STK24: variants seen among roughly 807,000 people sequenced by gnomAD.
STK24 encodes the protein serine/threonine-protein kinase 24.
In STK24, 21 loss-of-function variants were observed where a neutral mutation model predicts 55.6. The ratio of observed to expected loss-of-function variants is 0.38; its 90% CI spans 0.27 to 0.54. The LOEUF (loss-of-function observed/expected upper bound fraction) is 0.54, where lower values mean the gene tolerates loss of function less well. Ranked by LOEUF, STK24 falls within the 20% of genes least tolerant of loss-of-function variation. The pLI is 0.79. For synonymous variants in STK24, 200 were observed against 215.2 expected (o/e 0.93, Z 0.62); for missense variants, 383 against 538.4 (o/e 0.71, Z 2.86).
rs398038978 is a variant in STK24 at position 98,503,024 on chromosome 13, G to GTTTTTTTTTTTTTTTTTTTT, written c.273+16218_273+16219insAAAAAAAAAAAAAAAAAAAA. Among the ~76,000 whole-genome samples the GTTTTTTTTTTTTTTTTTTTT allele has an allele frequency of 4.2e-4, 45 of 107,046 alleles. 6 individuals carry two copies. The highest frequency in any genetic ancestry group is 1.8e-3 in the African/African-American group (45 of 25,014). The allele number at this position is 107,046 out of a possible 152,430, so 70.2% of individuals were successfully genotyped here. A position where few individuals can be genotyped will look rare whatever the true frequency, so the allele number is the denominator to read the frequency against. On this transcript the variant is annotated intron_variant, in intron 2 of 10. Coordinates refer to ENST00000539966, the MANE Select transcript of STK24 (RefSeq NM_001032296.4). ...AATATATTAGAAATACTTTCCATGT[G>GTTTTTTTTTTTTTTTTTTTT]TTTTTTTTTTTTTTTTTCAGTATGG...
At chr13:98,526,899 G>C (rs941791165) in intron 1 of STK24, among the ~76,000 whole-genome samples, 2 of 152,184 alleles carry the variant, frequency 1.3e-5, no homozygotes, top group African/African-American at 4.8e-5. Flanking sequence ...CTGTCCACAG[G>C]CGCGTTTTCA....
intron 1 of STK24, among the ~76,000 whole-genome samples, chr13:98,524,497 C>T (rs551824294): frequency 6.6e-6 from 1 of 152,310 alleles, no homozygotes; most frequent in South Asian, 2.1e-4. Flanking sequence ...ACGCAGCCTT[C>T]CTCGCTGCCT....
At chr13:98,453,821 T>C (rs1345261601) in intron 10 of STK24, 1 of 152,260 alleles carries the variant, frequency 6.6e-6, no homozygotes, top group Admixed American at 6.5e-5. Context: ...TTTACATATA[T>C]ATATTAAAGC....
intron 1 of STK24, among the ~76,000 whole-genome samples, chr13:98,565,566 A>G (rs1897542349): frequency 6.8e-6 from 1 of 147,760 alleles, no homozygotes; most frequent in South Asian, 2.1e-4. Context: ...CGGGAGGCAG[A>G]GGTTGCAGTG....
intron 10 of STK24, chr13:98,454,353 A>G (rs1893350496): frequency 6.6e-6 from 1 of 152,230 alleles, no homozygotes; most frequent in South Asian, 2.1e-4. Flanking sequence ...ATTTTACAAC[A>G]GACTCCAAAT....
chr13:98,469,775 G>C (rs1473610640), intron 5 of STK24, among the ~76,000 whole-genome samples: 1 of 152,110 alleles, frequency 6.6e-6, no homozygotes, highest in Non-Finnish European at 1.5e-5. Flanking sequence ...CTCCCAAGTG[G>C]TCTTCCTGCC....
At chr13:98,526,933 C>G (rs1185279728) in intron 1 of STK24, among the ~76,000 whole-genome samples, 4 of 152,182 alleles carry the variant, frequency 2.6e-5, no homozygotes. Context: ...AGGTGGAAAT[C>G]GGCCTGCTGA....
At chr13:98,490,946 A>G (rs1165596977) in intron 2 of STK24, among the ~76,000 whole-genome samples, 1 of 152,124 alleles carries the variant, frequency 6.6e-6, no homozygotes, top group African/African-American at 2.4e-5. Context: ...GGAGAATGAG[A>G]AGTGTTCTCT....
intron 8 of STK24, among the ~76,000 whole-genome samples, chr13:98,461,273 C>A (rs1420559085): frequency 6.6e-6 from 1 of 152,152 alleles, no homozygotes; most frequent in African/African-American, 2.4e-5. Flanking sequence ...AAAGAAACTA[C>A]ACCACTATGC....
chr13:98,462,400 C>T (rs377384722), intron 7 of STK24, among the ~76,000 whole-genome samples: 28 of 152,226 alleles, frequency 1.8e-4, no homozygotes, highest in South Asian at 1.2e-3. Flanking sequence ...TCCCTCCGAG[C>T]GCTCCCTCCC....
chr13:98,546,306 C>A (rs1897027970), intron 1 of STK24, among the ~76,000 whole-genome samples: 1 of 147,630 alleles, frequency 6.8e-6, no homozygotes, highest in African/African-American at 2.4e-5. Flanking sequence ...TCAGGCAGAT[C>A]TCAAATGGCC....
intron 2 of STK24, chr13:98,508,858 T>C (rs1376987967): frequency 1.3e-5 from 2 of 152,106 alleles, no homozygotes; most frequent in African/African-American, 4.8e-5. Flanking sequence ...TTGAAGTCCA[T>C]TCTTCAGCTT....
At chr13:98,453,251 CTCA>C in intron 10 of STK24, 42 bp from the exon 11 acceptor site, 1 of 1,592,922 alleles carries the variant, frequency 6.3e-7, no homozygotes, top group Non-Finnish European at 8.5e-7. Flanking sequence ...CATGTCATTT[CTCA>C]TCCCTGTGCA....
intron 1 of STK24, among the ~76,000 whole-genome samples, chr13:98,571,558 C>G (rs2139468558): frequency 6.6e-6 from 1 of 152,274 alleles, no homozygotes; most frequent in South Asian, 2.1e-4. Context: ...CCATCCTCCC[C>G]CTCAAAAAAG....
intron 2 of STK24, among the ~76,000 whole-genome samples, chr13:98,507,679 CAG>C (rs1895741293): frequency 6.6e-6 from 1 of 152,166 alleles, no homozygotes; most frequent in Non-Finnish European, 1.5e-5. Context: ...GATGAGGAAA[CAG>C]AGCCCAAAAT....
intron 1 of STK24, among the ~76,000 whole-genome samples, chr13:98,529,388 C>T (rs753079898): frequency 6.6e-6 from 1 of 152,146 alleles, no homozygotes; most frequent in Admixed American, 6.5e-5. Flanking sequence ...CAAGACCTGC[C>T]TGTGACCTGC....
intron 1 of STK24, among the ~76,000 whole-genome samples, chr13:98,519,926 A>G (rs1487870218): frequency 6.6e-6 from 1 of 152,206 alleles, no homozygotes; most frequent in Non-Finnish European, 1.5e-5. Flanking sequence ...TATATCACAG[A>G]ACAGAAAAAA....
chr13:98,518,511 G>T (rs1052994056), intron 2 of STK24, among the ~76,000 whole-genome samples: 1 of 152,078 alleles, frequency 6.6e-6, no homozygotes, highest in Non-Finnish European at 1.5e-5. Context: ...CCATTTTAAA[G>T]GTTACAACAT....
At chr13:98,522,610 A>C (rs558173536) in intron 1 of STK24, among the ~76,000 whole-genome samples, 53 of 152,228 alleles carry the variant, frequency 3.5e-4, no homozygotes, top group Admixed American at 1.2e-3. Context: ...CTCTAGCTCA[A>C]CATGTGTGCA....
Sources: gnomAD v4.1 joint callset for allele counts (sites outside exome capture counted in the v4.1 genomes callset) on GRCh38, gnomAD v4.1.1 for gene constraint, MANE v1.5 for transcripts, NCBI Gene and HGNC (gene_info 2026-07-23, HGNC 2026-07-21) for gene names.